The following C1orf115 variants were observed in gnomAD, a reference collection of about 807,000 sequenced individuals.
C1orf115 encodes chromosome 1 open reading frame 115.
C1orf115 carries 14 observed loss-of-function variants against 12.5 expected under a neutral mutation model. That is an observed-to-expected ratio of 1.12 (90% CI 0.74 to 1.75). The LOEUF is 1.75. C1orf115 is among the 40% of genes most tolerant of loss of function. The pLI is 0.00. For missense variants in C1orf115, 237 were observed against 220.8 expected, an observed-to-expected ratio of 1.07 and a Z score of -0.46; for synonymous variants, 109 against 104.6, an observed-to-expected ratio of 1.04 and a Z score of -0.26.
rs1445192127 is a variant in C1orf115 at position 220,699,128 on chromosome 1, G to A, written c.*2397G>A. On this transcript the variant is annotated 3_prime_UTR_variant, in exon 2 of 2. Transcript: ENST00000294889. The stretch of plus-strand genomic sequence containing the variant: ...TTGTATCCTTTTCTTGTCCTATGAT[G>A]TAAATAAAAGCCTCGATTTATGTAA... The A allele has an allele frequency of 6.6e-6, 1 of 152,002 alleles. No homozygotes were observed. The highest frequency in any genetic ancestry group is 1.5e-5 in the Non-Finnish European group (1 of 68,038). The allele number at this position is 152,002 out of a possible 1,614,324, so 9.4% of individuals were successfully genotyped here. A position where few individuals can be genotyped will look rare whatever the true frequency, so the allele number is the denominator to read the frequency against.
intron 1 of C1orf115, among the ~76,000 whole-genome samples, chr1:220,695,446 G>A (rs1043535839): frequency 3.9e-5 from 6 of 151,932 alleles, no homozygotes; most frequent in Non-Finnish European, 8.8e-5. Flanking sequence ...CCACAGGCAG[G>A]GCTGTTGAGA....
At chr1:220,692,025 C>T (rs1670118358) in intron 1 of C1orf115, among the ~76,000 whole-genome samples, 1 of 152,188 alleles carries the variant, frequency 6.6e-6, no homozygotes, top group Admixed American at 6.5e-5. Context: ...GACATGAAAA[C>T]TGGGCACAGA....
intron 1 of C1orf115, among the ~76,000 whole-genome samples, chr1:220,692,612 G>A (rs1041523193): frequency 1.3e-5 from 2 of 152,146 alleles, no homozygotes; most frequent in African/African-American, 4.8e-5. Context: ...CATGGAGATG[G>A]AACACAGATT....
At chr1:220,696,232 G>A (rs140790088) in intron 1 of C1orf115, among the ~76,000 whole-genome samples, 99 of 152,288 alleles carry the variant, frequency 6.5e-4, no homozygotes, top group African/African-American at 2.3e-3. Context: ...GCCTTCTGAC[G>A]GTCCAGTAAT....
At position 220,690,706 on chromosome 1, in the gene C1orf115, G is replaced by C. The variant is rs1307980837; in HGVS notation, c.304G>C (p.Gly102Arg). The C allele has an allele frequency of 3.2e-6, 5 of 1,586,826 alleles. No homozygotes were observed. Among genetic ancestry groups the C allele is most frequent in the Non-Finnish European group, 4.3e-6 (5 of 1,168,002 alleles). Residue 102 changes from glycine (G) to arginine (R), a missense_variant, in exon 1 of 2, where the codon GGC becomes CGC. Coordinates refer to ENST00000294889, the MANE Select transcript of C1orf115 (RefSeq NM_024709.5). ...KRYRRKLKKY[G>R]KNVGKVIIKG... ...GTACCGGAGGAAGCTGAAGAAGTAC[G>C]GCAAGGTAGGGGCCCTGCGCCACCA...
intron 1 of C1orf115, 69 bp downstream of exon 1, chr1:220,690,780 G>C: frequency 6.6e-7 from 1 of 1,509,460 alleles, no homozygotes; most frequent in Admixed American, 2.1e-5. Flanking sequence ...CGGGAGCCGG[G>C]TCCTTACCAT....
At chr1:220,695,739 G>A (rs1403262175) in intron 1 of C1orf115, among the ~76,000 whole-genome samples, 6 of 152,146 alleles carry the variant, frequency 3.9e-5, no homozygotes, top group Non-Finnish European at 8.8e-5. Context: ...ACCAGTCTGA[G>A]TGGTTATGGT....
chr1:220,693,726 T>C (rs748194033), intron 1 of C1orf115, among the ~76,000 whole-genome samples: 1 of 152,178 alleles, frequency 6.6e-6, no homozygotes. Context: ...GATACAGTAA[T>C]GAGCACAACA....
chr1:220,692,405 G>A (rs747995523), intron 1 of C1orf115, among the ~76,000 whole-genome samples: 1 of 152,090 alleles, frequency 6.6e-6, no homozygotes, highest in Non-Finnish European at 1.5e-5. Context: ...GTCCCTAAAT[G>A]GATGAATGCA....
rs1670204431 is a variant in C1orf115 at position 220,696,956 on chromosome 1, G to T, written c.*225G>T. On this transcript the variant is annotated 3_prime_UTR_variant, in exon 2 of 2. Coordinates refer to ENST00000294889, the MANE Select transcript of C1orf115 (RefSeq NM_024709.5). Reference sequence around the variant, plus strand: ...TGGACCCAGTGGTCAATCCTGCAGAGAATTCGGCGGAGGTTAGGTTTGGGA... The same window carrying T: ...TGGACCCAGTGGTCAATCCTGCAGATAATTCGGCGGAGGTTAGGTTTGGGA... 1 of 471,360 alleles carries T rather than the reference G, an allele frequency of 2.1e-6. No homozygotes were observed. Among genetic ancestry groups the T allele is most frequent in the Non-Finnish European group, 3.4e-6 (1 of 293,462 alleles). 29.2% of individuals were successfully genotyped at this position (471,360 alleles called of 1,614,324 possible).
Position 220,696,858 on chromosome 1 carries a change from T to C in C1orf115, c.*127T>C. 1 of 1,238,110 alleles carries C rather than the reference T, an allele frequency of 8.1e-7. No individual in the cohort carries two copies. Among genetic ancestry groups the C allele is most frequent in the Non-Finnish European group, 1.1e-6 (1 of 916,642 alleles). 76.7% of individuals were successfully genotyped at this position (1,238,110 alleles called of 1,614,324 possible). ...GGAAGAGAAAACATGCCTTTCTTTG[T>C]TGAATCACATTAGTATGATGAGTGA... On this transcript the variant is annotated 3_prime_UTR_variant, in exon 2 of 2. Transcript: ENST00000294889.
At chr1:220,693,286 A>AT (rs34094627) in intron 1 of C1orf115, among the ~76,000 whole-genome samples, 9 of 152,042 alleles carry the variant, frequency 5.9e-5, no homozygotes, top group Admixed American at 2.6e-4. Context: ...ATTTTAGTAG[A>AT]TTTTTTTTCC....
chr1:220,692,367 A>G (rs560090857), intron 1 of C1orf115, among the ~76,000 whole-genome samples: 2 of 152,228 alleles, frequency 1.3e-5, no homozygotes, highest in Non-Finnish European at 2.9e-5. Flanking sequence ...ATTATTTACA[A>G]TAGTCAAAAG....
intron 1 of C1orf115, among the ~76,000 whole-genome samples, chr1:220,694,024 G>T (rs1457446736): frequency 1.4e-5 from 2 of 146,188 alleles, no homozygotes; most frequent in Non-Finnish European, 3.0e-5. Context: ...AGGTTGCAGT[G>T]AGCTGAGATC....
At chr1:220,695,330 T>C (rs373522635) in intron 1 of C1orf115, among the ~76,000 whole-genome samples, 37 of 151,592 alleles carry the variant, frequency 2.4e-4, no homozygotes, top group African/African-American at 9.0e-4. Context: ...AAAGCCAAGA[T>C]CAAGGTGGGA....
Position 220,695,247 on chromosome 1 carries a change from G to A in C1orf115, c.310-1365G>A, listed in dbSNP as rs1293040479. 4.6e-5 allele frequency among the ~76,000 whole-genome samples: 7 copies of A among 152,116 alleles called. No homozygotes were observed. In the South Asian group the frequency reaches 6.2e-4, roughly 14 times the overall value. On this transcript the variant is annotated intron_variant, in intron 1 of 1. Coordinates refer to ENST00000294889, the MANE Select transcript of C1orf115 (RefSeq NM_024709.5). ...AGACTGGGGCAGGATATGGAGTCAC[G>A]GTGATACCCGAGCATGTATGTAAGC...
In C1orf115 at chr1:220,698,890, G is replaced by A. The variant is rs1380245255; in HGVS notation, c.*2159G>A. 6.6e-6 allele frequency: 1 copy of A among 152,210 alleles called. No individual in the cohort carries two copies. Among genetic ancestry groups the A allele is most frequent in the Admixed American group, 6.5e-5 (1 of 15,282 alleles). 9.4% of individuals were successfully genotyped at this position (152,210 alleles called of 1,614,324 possible). ...TCACGGGTACAGAAGATGAATCTCA[G>A]ATGTCACTCAACCTGAGCCGTCATT... is the stretch of plus-strand genomic sequence containing the variant. On this transcript the variant is annotated 3_prime_UTR_variant, in exon 2 of 2. Coordinates refer to ENST00000294889, the MANE Select transcript of C1orf115 (RefSeq NM_024709.5).
chr1:220,693,289 T>G (rs1398092329), intron 1 of C1orf115, among the ~76,000 whole-genome samples: 1 of 152,252 alleles, frequency 6.6e-6, no homozygotes, highest in Non-Finnish European at 1.5e-5. Flanking sequence ...TTAGTAGATT[T>G]TTTTTCCCTA....
intron 1 of C1orf115, among the ~76,000 whole-genome samples, chr1:220,692,820 C>G (rs1670133065): frequency 2.0e-5 from 3 of 152,110 alleles, no homozygotes. Context: ...TTTGCCTTAA[C>G]TAAAACAAAC....
Sources: gnomAD v4.1 joint callset for allele counts (sites outside exome capture counted in the v4.1 genomes callset) on GRCh38, gnomAD v4.1.1 for gene constraint, MANE v1.5 for transcripts, NCBI Gene and HGNC (gene_info 2026-07-23, HGNC 2026-07-21) for gene names.